The following NAE1 variants were observed in gnomAD, a reference collection of about 807,000 sequenced individuals.
NAE1 encodes NEDD8-activating enzyme E1 regulatory subunit.
In NAE1, 59 loss-of-function variants were observed where a neutral mutation model predicts 88.0. The observed-to-expected ratio is 0.67, with a 90% CI of 0.54 to 0.83. The LOEUF is 0.83. Among genes scored for constraint, NAE1 ranks in the 40% least tolerant of loss-of-function variants. The probability of loss-of-function intolerance (pLI) is 0.00; values close to 1 mark genes in which losing one functional copy is unlikely to be tolerated. For missense variants in NAE1, 554 were observed against 632.8 expected, an observed-to-expected ratio of 0.88 and a Z score of 1.34; for synonymous variants, 186 against 208.9, an observed-to-expected ratio of 0.89 and a Z score of 0.95.
chr16:66,821,458 T>G lies in NAE1; in HGVS notation c.503A>C (p.Glu168Ala). 6.4e-7 allele frequency: 1 copy of G among 1,562,760 alleles called. No individual in the cohort carries two copies. The highest frequency in any genetic ancestry group is 8.6e-7 in the Non-Finnish European group (1 of 1,159,378). The change falls in exon 7 of 20, where the codon GAA becomes GCA. Residue 168 changes from glutamate to alanine, a missense_variant. Physicochemically the swap from Glu to Ala is moderately radical, Grantham distance 107 (BLOSUM62 -1). Coordinates refer to ENST00000290810, the MANE Select transcript of NAE1 (RefSeq NM_003905.4). ...LVGYMRIIIK[E>A]HPVIESHPDN... Reference sequence around the variant, plus strand: ...ATGCTCAACAATTTTACCTGGATGTTCTTTTATAATGATCCTCATATAACC... The same window carrying G: ...ATGCTCAACAATTTTACCTGGATGTGCTTTTATAATGATCCTCATATAACC...
intron 16 of NAE1, 121 bp from the exon 17 acceptor site, chr16:66,808,734 TGAA>T (rs1959671453): frequency 1.3e-6 from 1 of 776,846 alleles, no homozygotes; most frequent in Admixed American, 2.6e-5. Context: ...CAATCTCTAC[TGAA>T]GTAGTAACAT....
In NAE1 at chr16:66,830,933, C is replaced by T; in HGVS notation, c.-34G>A. 6.7e-7 allele frequency: 1 copy of T among 1,502,058 alleles called. No homozygotes were observed. The highest frequency in any genetic ancestry group is 1.2e-5 in the South Asian group (1 of 80,536). 93.0% of individuals were successfully genotyped at this position (1,502,058 alleles called of 1,614,324 possible). On this transcript the variant is annotated 5_prime_UTR_variant, in exon 1 of 20. Coordinates refer to ENST00000290810, the MANE Select transcript of NAE1 (RefSeq NM_003905.4). ...CTGCCGCGCGGAAAACAGCCGAGCC[C>T]CTGCGGAGCGCCGCCACCAGCTCCA...
intron 4 of NAE1, among the ~76,000 whole-genome samples, chr16:66,824,240 C>G (rs1205445871): frequency 6.6e-6 from 1 of 152,164 alleles, no homozygotes; most frequent in Non-Finnish European, 1.5e-5. Context: ...TAATCCTGTA[C>G]AAGAGTGGTT....
chr16:66,812,262 T>TAG (rs1959831637), intron 13 of NAE1, among the ~76,000 whole-genome samples: 1 of 152,128 alleles, frequency 6.6e-6, no homozygotes, highest in Non-Finnish European at 1.5e-5. Flanking sequence ...TAAGTAACCT[T>TAG]TTCAATACCT....
chr16:66,806,941 G>A (rs1295799643), intron 17 of NAE1, among the ~76,000 whole-genome samples: 1 of 152,094 alleles, frequency 6.6e-6, no homozygotes, highest in East Asian at 1.9e-4. Flanking sequence ...CTTCCACTTG[G>A]GTTTTTTGGA....
At chr16:66,806,057 A>G (rs1392119791) in intron 17 of NAE1, 31 bp from the exon 18 acceptor site, 1 of 1,574,718 alleles carries the variant, frequency 6.4e-7, no homozygotes, top group African/African-American at 1.4e-5. Context: ...TCATTAAAAT[A>G]AATGTGATTC....
chr16:66,804,368 G>T (rs1056829842), intron 19 of NAE1, among the ~76,000 whole-genome samples: 3 of 151,914 alleles, frequency 2.0e-5, no homozygotes, highest in Admixed American at 6.6e-5. Flanking sequence ...ATAATAATTT[G>T]CCCTTTTCTG....
chr16:66,823,367 C>G (rs765216698), intron 5 of NAE1, 61 bp from the exon 6 acceptor site: 5 of 1,411,028 alleles, frequency 3.5e-6, no homozygotes, highest in Non-Finnish European at 4.9e-6. Flanking sequence ...TCATATTAAA[C>G]ATGGCAGAGA....
chr16:66,813,298 A>G (rs1212710308), intron 13 of NAE1: 4 of 372,950 alleles, frequency 1.1e-5, no homozygotes, highest in Non-Finnish European at 9.7e-6. Flanking sequence ...GAACACTACC[A>G]TGCCCACCTA....
At chr16:66,828,715 G>C (rs1347301070) in intron 1 of NAE1, among the ~76,000 whole-genome samples, 1 of 151,712 alleles carries the variant, frequency 6.6e-6, no homozygotes, top group Non-Finnish European at 1.5e-5. Context: ...ACTGAGGCCA[G>C]GCACTGTGGC....
intron 3 of NAE1, among the ~76,000 whole-genome samples, chr16:66,825,638 C>T (rs775417856): frequency 3.3e-5 from 5 of 151,870 alleles, no homozygotes; most frequent in Admixed American, 2.0e-4. Context: ...TCCCTAGAAC[C>T]GGTGTTCCAC....
intron 1 of NAE1, among the ~76,000 whole-genome samples, chr16:66,829,369 G>C (rs1480508946): frequency 6.6e-6 from 1 of 152,184 alleles, no homozygotes; most frequent in Non-Finnish European, 1.5e-5. Context: ...TCTCCGAAAA[G>C]CTTGGAAGCA....
chr16:66,826,827 TAC>T, intron 1 of NAE1, 47 bp from the exon 2 acceptor site: 1 of 1,527,516 alleles, frequency 6.5e-7, no homozygotes, highest in Non-Finnish European at 8.9e-7. Context: ...TTCATGAAAA[TAC>T]AGCTTTCTTA....
chr16:66,806,340 CTTATACCCT>C (rs1159215149), intron 17 of NAE1, among the ~76,000 whole-genome samples: 3 of 152,170 alleles, frequency 2.0e-5, no homozygotes, highest in Non-Finnish European at 4.4e-5. Context: ...TAATGTCCTA[CTTATACCCT>C]TTATAAAAGT....
At chr16:66,812,462 T>C (rs969730482) in intron 13 of NAE1, among the ~76,000 whole-genome samples, 21 of 152,034 alleles carry the variant, frequency 1.4e-4, no homozygotes, top group African/African-American at 4.3e-4. Context: ...GGTAATTCTG[T>C]ATTTCCCATT....
intron 13 of NAE1, among the ~76,000 whole-genome samples, chr16:66,811,648 C>G (rs1959805747): frequency 6.6e-6 from 1 of 152,282 alleles, no homozygotes; most frequent in East Asian, 1.9e-4. Flanking sequence ...TTTCACCACC[C>G]GCTTTGGCCT....
intron 5 of NAE1, 26 bp from the exon 6 acceptor site, chr16:66,823,332 C>A: frequency 1.3e-6 from 2 of 1,540,038 alleles, no homozygotes; most frequent in African/African-American, 1.4e-5. Flanking sequence ...AAGAAAAAAA[C>A]AAACAAAAAA....
chr16:66,811,590 G>A (rs532925257), intron 13 of NAE1, among the ~76,000 whole-genome samples: 8 of 151,732 alleles, frequency 5.3e-5, no homozygotes, highest in Admixed American at 2.0e-4. Flanking sequence ...CATGGAAAAC[G>A]TAAAATTTCA....
rs751561000 is a variant in NAE1 at position 66,809,049 on chromosome 16, C to A, written c.1177G>T (p.Val393Leu). ...LCSNSAFLRV[V>L]RCRSLAEEYG... is the part of the protein sequence containing the mutation. ...TCTTCAGCTAAGGATCGACATCTTA[C>A]CACTCGAAGAAATGCAGAATTGCTG... is the stretch of plus-strand genomic sequence containing the variant. Residue 393 changes from valine (V) to leucine (L), a missense_variant, in exon 16 of 20, where the codon GTA (valine) becomes TTA (leucine). Physicochemically the swap from Val to Leu is conservative, Grantham distance 32 (BLOSUM62 1). Coordinates refer to ENST00000290810, the MANE Select transcript of NAE1 (RefSeq NM_003905.4). 2.7e-4 allele frequency: 435 copies of A among 1,612,228 alleles called. No homozygotes were observed. The highest frequency in any genetic ancestry group is 3.6e-4 in the Non-Finnish European group (427 of 1,178,986).
Sources: gnomAD v4.1 joint callset for allele counts (sites outside exome capture counted in the v4.1 genomes callset) on GRCh38, gnomAD v4.1.1 for gene constraint, MANE v1.5 for transcripts, NCBI Gene and HGNC (gene_info 2026-07-23, HGNC 2026-07-21) for gene names.